Variants in NIN observed in about 807,000 individuals in gnomAD.
The protein encoded by NIN is glycogen synthase kinase 3 beta-interacting protein.
Under a neutral mutation model 257.6 loss-of-function variants are expected in NIN, and 137 were observed. That is an observed-to-expected ratio of 0.53 (90% CI 0.46 to 0.61). The LOEUF (loss-of-function observed/expected upper bound fraction) is 0.61. Among genes scored for constraint, NIN ranks in the 20% least tolerant of loss-of-function variants. The pLI, the probability that NIN is intolerant of heterozygous loss-of-function variation, is 0.00. For missense variants in NIN, 2,439 were observed against 2,501.2 expected (o/e 0.98, Z 0.53); for synonymous variants, 918 against 919.8 (o/e 1.00, Z 0.04).
chr14:50,728,033 A>G (rs1442504659), intron 29 of NIN, among the ~76,000 whole-genome samples: 2 of 151,228 alleles, frequency 1.3e-5, no homozygotes, highest in African/African-American at 4.9e-5. Context: ...TAAGCCGTCC[A>G]CTCTGTCATC....
At chr14:50,789,351 G>A (rs1347104621) in intron 5 of NIN, among the ~76,000 whole-genome samples, 2 of 145,616 alleles carry the variant, frequency 1.4e-5, no homozygotes, top group African/African-American at 2.5e-5. Flanking sequence ...GAGGCAGGTG[G>A]ATCATGAGGT....
At chr14:50,749,603 C>A (rs1344479996) in intron 21 of NIN, among the ~76,000 whole-genome samples, 1 of 152,096 alleles carries the variant, frequency 6.6e-6, no homozygotes, top group Non-Finnish European at 1.5e-5. Context: ...TTTCTATTTT[C>A]TTCTTCATTT....
Position 50,758,593 on chromosome 14 carries a change from G to C in NIN, c.2437C>G (p.Gln813Glu), listed in dbSNP as rs1455276298. 6.3e-7 allele frequency: 1 copy of C among 1,596,824 alleles called. No individual in the cohort carries two copies. The highest frequency in any genetic ancestry group is 8.5e-7 in the Non-Finnish European group (1 of 1,173,062). The change falls in exon 18 of 31, where the codon CAA becomes GAA. Residue 813 changes from glutamine (Q) to glutamate (E), a missense_variant. Coordinates refer to ENST00000530997, the MANE Select transcript of NIN (RefSeq NM_020921.4). ...TCAGACTGAAACTGGGCTTCTATTT[G>C]AGAGGTTCTTCTATTACACTCTGTT... ...METECNRRTS[Q>E]IEAQFQSDCQ...
At chr14:50,724,380 ATAAAGAGTAAC>A (rs2040336600) in intron 30 of NIN, 1 of 216,288 alleles carries the variant, frequency 4.6e-6, no homozygotes, top group African/African-American at 2.3e-5. Context: ...GTTTATGAGA[ATAAAGAGTAAC>A]TAAAGAGTAG....
At chr14:50,727,757 G>C (rs757375431) in intron 29 of NIN, 2 of 1,421,646 alleles carry the variant, frequency 1.4e-6, no homozygotes, top group Non-Finnish European at 1.9e-6. Flanking sequence ...AAGGCCTAGA[G>C]AAAGAAGGCA....
chr14:50,820,166 T>G (rs2045131933), intron 3 of NIN, among the ~76,000 whole-genome samples: 1 of 152,256 alleles, frequency 6.6e-6, no homozygotes, highest in South Asian at 2.1e-4. Context: ...CTTTTATCAC[T>G]GGCTCACTAA....
At chr14:50,765,062 TTAAAAAAAAA>T (rs1438359634) in intron 14 of NIN, among the ~76,000 whole-genome samples, 1 of 89,758 alleles carries the variant, frequency 1.1e-5, no homozygotes. Context: ...CTGTCTCTAC[TTAAAAAAAAA>T]AAAAAAAAAA....
chr14:50,772,181 C>G, intron 9 of NIN, 120 bp downstream of exon 9: 1 of 949,656 alleles, frequency 1.1e-6, no homozygotes, highest in Non-Finnish European at 1.5e-6. Context: ...ATCTTTGAGA[C>G]TTTGTGAACA....
rs11376 is a variant in NIN at position 50,738,278 on chromosome 14, C to T, written c.5637G>A (p.Gln1879=). The T allele has an allele frequency of 0.52, 835,085 of 1,611,694 alleles. 220,381 individuals carry two copies. The highest frequency in any genetic ancestry group is 0.7 in the African/African-American group (52,612 of 74,872). Residue 1879 remains glutamine, a synonymous_variant, in exon 27 of 31, where the codon CAG becomes CAA. Transcript: ENST00000530997. The part of the protein sequence containing the change: ...ELTHSREKVR[Q]LESNLLPKHQ... ...GCTTGGGAAGAAGATTGGATTCCAA[C>T]TGACGGACCTAACAGGAACAAATGT...
At chr14:50,744,478 A>C in intron 22 of NIN, 113 bp from the exon 23 acceptor site, 1 of 1,093,384 alleles carries the variant, frequency 9.1e-7, no homozygotes, top group South Asian at 1.5e-5. Context: ...ATCTGTGGAT[A>C]TTTCAGAGGA....
At chr14:50,740,155 GA>G (rs1208901895) in intron 25 of NIN, among the ~76,000 whole-genome samples, 2 of 147,982 alleles carry the variant, frequency 1.4e-5, no homozygotes, top group Non-Finnish European at 3.0e-5. Context: ...CTCATTTTCA[GA>G]AAAAGTCAAC....
intron 25 of NIN, among the ~76,000 whole-genome samples, chr14:50,740,252 T>G (rs966523905): frequency 4.6e-5 from 7 of 151,786 alleles, no homozygotes; most frequent in Admixed American, 3.9e-4. Flanking sequence ...AGTGGCACGA[T>G]CTCAGCTCAC....
chr14:50,807,872 T>C (rs1411652194), intron 3 of NIN, among the ~76,000 whole-genome samples: 2 of 152,234 alleles, frequency 1.3e-5, no homozygotes, highest in Admixed American at 1.3e-4. Context: ...AAATTGTATC[T>C]CCTTGCAATT....
intron 22 of NIN, among the ~76,000 whole-genome samples, chr14:50,745,864 T>C (rs977363902): frequency 6.6e-6 from 1 of 152,110 alleles, no homozygotes; most frequent in African/African-American, 2.4e-5. Context: ...CACGATATCA[T>C]ACAGAGTGAC....
Position 50,781,597 on chromosome 14 carries a change from A to C in NIN, c.436-2793T>G, listed in dbSNP as rs145728623. The stretch of plus-strand genomic sequence containing the variant: ...CCTGGATTCTTACTCCTAACTAATA[A>C]AGGATCGAGTATGGAGGCCACTGCA... On this transcript the variant is annotated intron_variant, in intron 5 of 30. Transcript: ENST00000530997. Among the ~76,000 whole-genome samples the C allele has an allele frequency of 1.5e-3, 227 of 152,252 alleles. 1 individual carries two copies. The highest frequency in any genetic ancestry group is 5.3e-3 in the African/African-American group (222 of 41,530).
intron 5 of NIN, among the ~76,000 whole-genome samples, chr14:50,790,972 G>C (rs1030916215): frequency 2.0e-5 from 3 of 152,124 alleles, no homozygotes; most frequent in Non-Finnish European, 2.9e-5. Flanking sequence ...ATGAGGACTA[G>C]AAACTCATGT....
intron 14 of NIN, among the ~76,000 whole-genome samples, chr14:50,765,086 A>T (rs2042425055): frequency 6.7e-6 from 1 of 149,038 alleles, no homozygotes; most frequent in Non-Finnish European, 1.5e-5. Context: ...AAAAAAAAAA[A>T]AAAAAATTAG....
Position 50,758,141 on chromosome 14 carries a change from C to T in NIN, c.2889G>A (p.Gln963=), listed in dbSNP as rs937271911. The T allele has an allele frequency of 1.9e-5, 30 of 1,614,112 alleles. No individual in the cohort carries two copies. In the East Asian group the frequency reaches 6.7e-4, roughly 36 times the overall value. The part of the protein sequence containing the change: ...EVLCQAGASE[Q]LASQRLERLE... The stretch of plus-strand genomic sequence containing the variant: ...GTCTTTCCAGCCGCTGGCTGGCCAG[C>T]TGCTCCGAAGCCCCTGCCTGGCACA... The change falls in exon 18 of 31, where the codon CAG becomes CAA. Residue 963 remains glutamine (Q), a synonymous_variant. Coordinates refer to ENST00000530997, the MANE Select transcript of NIN (RefSeq NM_020921.4).
intron 3 of NIN, among the ~76,000 whole-genome samples, chr14:50,820,137 T>C (rs2045130388): frequency 6.6e-6 from 1 of 152,156 alleles, no homozygotes; most frequent in South Asian, 2.1e-4. Context: ...ATGAAATCAA[T>C]ATGCATCCAT....
Sources: allele counts gnomAD v4.1 joint callset (sites outside exome capture counted in the v4.1 genomes callset), GRCh38; gene constraint gnomAD v4.1.1; transcripts MANE v1.5; gene names NCBI Gene and HGNC (gene_info 2026-07-23, HGNC 2026-07-21).